The following THSD7A variants were observed in gnomAD, a reference collection of about 807,000 sequenced individuals.
THSD7A encodes thrombospondin type 1 domain containing 7A, also known as thrombospondin type-1 domain-containing protein 7A.
A neutral mutation model predicts 231.3 loss-of-function variants in THSD7A; 96 were observed. The observed-to-expected ratio is 0.41, with a 90% CI of 0.35 to 0.49. THSD7A has a LOEUF of 0.49. Among genes scored for constraint, THSD7A ranks in the 20% least tolerant of loss-of-function variants. The pLI is 0.05. For missense variants in THSD7A, 2,290 were observed against 2,070.2 expected (o/e 1.11, Z -2.06); for synonymous variants, 940 against 743.3 (o/e 1.26, Z -4.30).
chr7:11,435,254 T>A (rs185806575), intron 13 of THSD7A, among the ~76,000 whole-genome samples: 1 of 152,222 alleles, frequency 6.6e-6, no homozygotes, highest in African/African-American at 2.4e-5. Context: ...TCTTGTATAA[T>A]AAAGAATTTG....
At chr7:11,713,226 C>G (rs556683474) in intron 1 of THSD7A, among the ~76,000 whole-genome samples, 5 of 151,160 alleles carry the variant, frequency 3.3e-5, no homozygotes, top group Non-Finnish European at 7.4e-5. Context: ...TTTTGTGTTT[C>G]CCTCCCATTC....
At chr7:11,407,465 G>C in intron 19 of THSD7A, 42 bp from the exon 20 acceptor site, 2 of 1,464,520 alleles carry the variant, frequency 1.4e-6, no homozygotes, top group Non-Finnish European at 9.5e-7. Context: ...TTGTAAATTG[G>C]GGGAGGGAGC....
At chr7:11,422,379 G>A (rs563872711) in intron 16 of THSD7A, among the ~76,000 whole-genome samples, 9 of 152,136 alleles carry the variant, frequency 5.9e-5, no homozygotes, top group African/African-American at 2.2e-4. Context: ...TTGCATTCAA[G>A]CAGGACATTT....
chr7:11,497,773 C>G (rs1787162764), intron 6 of THSD7A, among the ~76,000 whole-genome samples: 1 of 152,046 alleles, frequency 6.6e-6, no homozygotes, highest in Non-Finnish European at 1.5e-5. Flanking sequence ...CAGGTACTTG[C>G]ATTGGGATTA....
chr7:11,441,650 A>G (rs1784806535), intron 13 of THSD7A, among the ~76,000 whole-genome samples: 1 of 152,042 alleles, frequency 6.6e-6, no homozygotes, highest in Admixed American at 6.6e-5. Context: ...ATCATATTAC[A>G]CATTTTTTAT....
intron 1 of THSD7A, among the ~76,000 whole-genome samples, chr7:11,695,251 C>T (rs2128143023): frequency 6.6e-6 from 1 of 151,488 alleles, no homozygotes; most frequent in East Asian, 2.0e-4. Flanking sequence ...CATAGTATAC[C>T]AAGAATAGTT....
At chr7:11,401,123 A>G (rs1783387818) in intron 23 of THSD7A, among the ~76,000 whole-genome samples, 1 of 152,096 alleles carries the variant, frequency 6.6e-6, no homozygotes, top group Admixed American at 6.5e-5. Context: ...AATATAGTAA[A>G]ATCTCACACT....
chr7:11,734,647 G>C (rs1239863828), intron 1 of THSD7A, among the ~76,000 whole-genome samples: 2 of 151,742 alleles, frequency 1.3e-5, no homozygotes, highest in East Asian at 1.9e-4. Flanking sequence ...TTAGAACATT[G>C]TTAATGACCT....
At chr7:11,598,259 G>A (rs1012368389) in intron 2 of THSD7A, among the ~76,000 whole-genome samples, 1 of 152,188 alleles carries the variant, frequency 6.6e-6, no homozygotes, top group Admixed American at 6.5e-5. Context: ...AAGAAATTTG[G>A]GGAAGAGGTG....
chr7:11,604,325 A>G (rs1425162961), intron 2 of THSD7A, among the ~76,000 whole-genome samples: 1 of 152,108 alleles, frequency 6.6e-6, no homozygotes, highest in African/African-American at 2.4e-5. Flanking sequence ...GCAATCCATC[A>G]TTGAATGTCT....
At chr7:11,514,743 C>T (rs112472186) in intron 6 of THSD7A, among the ~76,000 whole-genome samples, 1 of 152,102 alleles carries the variant, frequency 6.6e-6, no homozygotes, top group Non-Finnish European at 1.5e-5. Flanking sequence ...TTAAACAATA[C>T]TACGTGTGCT....
At chr7:11,462,519 T>TATC (rs1237570517) in intron 9 of THSD7A, among the ~76,000 whole-genome samples, 2 of 152,222 alleles carry the variant, frequency 1.3e-5, no homozygotes, top group Non-Finnish European at 2.9e-5. Context: ...TAGCCCTGTT[T>TATC]ATCACATGGG....
chr7:11,788,095 AT>A (rs1382680993), intron 1 of THSD7A, among the ~76,000 whole-genome samples: 5 of 151,978 alleles, frequency 3.3e-5, no homozygotes, highest in Admixed American at 2.6e-4. Context: ...TGACACCACC[AT>A]CCTACAAGTA....
chr7:11,756,696 G>T (rs898141431), intron 1 of THSD7A, among the ~76,000 whole-genome samples: 2 of 151,990 alleles, frequency 1.3e-5, no homozygotes, highest in Non-Finnish European at 2.9e-5. Context: ...TGTTTCTATC[G>T]GTTTATTAAG....
chr7:11,421,626 C>A (rs1784148128), intron 16 of THSD7A, among the ~76,000 whole-genome samples: 1 of 152,102 alleles, frequency 6.6e-6, no homozygotes, highest in African/African-American at 2.4e-5. Context: ...TCCACAATTT[C>A]ATCAGAGATA....
At position 11,406,831 on chromosome 7, in the gene THSD7A, A is replaced by G. The variant is rs1021875837; in HGVS notation, c.4062+79T>C. On this transcript the variant is annotated intron_variant, in intron 21 of 27. Coordinates refer to ENST00000423059, the MANE Select transcript of THSD7A (RefSeq NM_015204.3). This position sits in a 1 kb window ranked among gnomAD's most constrained non-coding sequence, Gnocchi z 4.7. ...GAGCTCTGAAACATATTTCTAACAC[A>G]TTATTTTTATGTTTTTCTGCAGATG... 43 of 1,499,816 alleles carry G rather than the reference A, an allele frequency of 2.9e-5. No homozygotes were observed. The African/African-American group carries it at 5.6e-4, about 19-fold the overall frequency. 92.9% of individuals were successfully genotyped at this position (1,499,816 alleles called of 1,614,324 possible).
In THSD7A at chr7:11,597,594, G is replaced by T. The variant is rs868218252; in HGVS notation, c.1023-4092C>A. ...AGAGGCCTCTAGGATTTTGGAACAA[G>T]GCCCTGCCATCTTCTGCAGATAACT... On this transcript the variant is annotated intron_variant, in intron 2 of 27. Transcript: ENST00000423059. 4.6e-5 allele frequency among the ~76,000 whole-genome samples: 7 copies of T among 152,298 alleles called. No individual in the cohort carries two copies. The South Asian group carries it at 1.2e-3, about 27-fold the overall frequency.
intron 4 of THSD7A, among the ~76,000 whole-genome samples, chr7:11,577,111 T>C (rs1276998464): frequency 9.9e-5 from 15 of 152,186 alleles, no homozygotes; most frequent in Admixed American, 3.3e-4. Flanking sequence ...CCGCAATATG[T>C]TGGGGACTTT....
intron 1 of THSD7A, among the ~76,000 whole-genome samples, chr7:11,787,770 G>A (rs968180411): frequency 1.3e-5 from 2 of 152,012 alleles, no homozygotes; most frequent in East Asian, 3.9e-4. Flanking sequence ...TGGTAAGGAC[G>A]TAAAACAAGG....
Sources: gnomAD v4.1 joint callset for allele counts (sites outside exome capture counted in the v4.1 genomes callset) on GRCh38, gnomAD v4.1.1 for gene constraint, Gnocchi (gnomAD v3.1) non-coding constraint, MANE v1.5 for transcripts, NCBI Gene and HGNC (gene_info 2026-07-23, HGNC 2026-07-21) for gene names.